NMT1: variants seen among roughly 807,000 people sequenced by gnomAD.
NMT1 encodes the protein glycylpeptide N-tetradecanoyltransferase 1.
NMT1 carries 12 observed loss-of-function variants against 63.4 expected under a neutral mutation model. The observed-to-expected ratio is 0.19, with a 90% confidence interval of 0.12 to 0.31. NMT1 has a LOEUF of 0.31. Among genes scored for constraint, NMT1 ranks in the 10% least tolerant of loss-of-function variants. The pLI is 1.00. For missense variants in NMT1, 432 were observed against 634.6 expected (o/e 0.68, Z 3.43); for synonymous variants, 228 against 234.3 (o/e 0.97, Z 0.25).
intron 1 of NMT1, among the ~76,000 whole-genome samples, chr17:45,063,451 G>A (rs1305111554): frequency 6.6e-6 from 1 of 151,504 alleles, no homozygotes; most frequent in Non-Finnish European, 1.5e-5. Flanking sequence ...GTTGGTGAAT[G>A]TGAAAGTCAT....
At chr17:45,077,036 A>G (rs2053982391) in intron 1 of NMT1, among the ~76,000 whole-genome samples, 1 of 152,226 alleles carries the variant, frequency 6.6e-6, no homozygotes, top group Non-Finnish European at 1.5e-5. Context: ...CTAAATAGGA[A>G]GAACAAAGGC....
In NMT1 at chr17:45,081,875, T is replaced by C. The variant is rs1338664804; in HGVS notation, c.240+123T>C. The C allele has an allele frequency of 2.0e-5, 16 of 784,374 alleles. No individual in the cohort carries two copies. The East Asian group carries it at 3.0e-4, about 15-fold the overall frequency. The allele number at this position is 784,374 out of a possible 1,614,324, so 48.6% of individuals were successfully genotyped here. ...CTGGTATTACTTCAAGATGGAAGAG[T>C]TGGATCCCAGTGCTGTCCTCTGCTG... is the stretch of plus-strand genomic sequence containing the variant. On this transcript the variant is annotated intron_variant, in intron 2 of 11. Transcript: ENST00000258960.
chr17:45,084,335 A>AT (rs2054037158), intron 2 of NMT1, among the ~76,000 whole-genome samples: 1 of 78,816 alleles, frequency 1.3e-5, no homozygotes, highest in Non-Finnish European at 2.2e-5. Context: ...GGCTTGGTAA[A>AT]CTTTTTTTTT....
Position 45,105,083 on chromosome 17 carries a change from G to T in NMT1, c.1470+87G>T, listed in dbSNP as rs752931857. The stretch of plus-strand genomic sequence containing the variant: ...AACCGGGCCATGGGTTGAGGAGACA[G>T]CCGCAGTCTGGGTCCTTGTTACCTC... On this transcript the variant is annotated intron_variant, in intron 11 of 11. Coordinates refer to ENST00000258960, the MANE Select transcript of NMT1 (RefSeq NM_021079.5). This position sits in a 1 kb window ranked among gnomAD's most constrained non-coding sequence, Gnocchi z 4.2. 1 of 1,551,970 alleles carries T rather than the reference G, an allele frequency of 6.4e-7. No individual in the cohort carries two copies. The highest frequency in any genetic ancestry group is 1.4e-5 in the African/African-American group (1 of 73,524).
chr17:45,091,186 T>TCACACACACA (rs1567868410), intron 3 of NMT1, among the ~76,000 whole-genome samples: 6 of 71,808 alleles, frequency 8.4e-5, no homozygotes, highest in South Asian at 4.9e-4. Flanking sequence ...AGGTCTTTCC[T>TCACACACACA]GACACACACA....
chr17:45,087,079 T>C (rs2054059860), intron 3 of NMT1, among the ~76,000 whole-genome samples: 1 of 151,738 alleles, frequency 6.6e-6, no homozygotes, highest in African/African-American at 2.4e-5. Flanking sequence ...GAAGATCACT[T>C]GAACCTGGGA....
intron 1 of NMT1, among the ~76,000 whole-genome samples, chr17:45,066,689 T>C (rs116851011): frequency 0.06 from 9,095 of 152,200 alleles, 362 homozygotes; most frequent in Middle Eastern, 0.099. Flanking sequence ...TTTTTCTATT[T>C]AAAAATTTTT....
intron 4 of NMT1, among the ~76,000 whole-genome samples, chr17:45,094,503 A>C (rs2054110810): frequency 1.3e-5 from 2 of 151,022 alleles, no homozygotes; most frequent in South Asian, 4.2e-4. Context: ...TCAAAAAAAA[A>C]AAAAAGTCAA....
intron 1 of NMT1, among the ~76,000 whole-genome samples, chr17:45,081,018 T>C (rs1277326170): frequency 6.6e-6 from 1 of 152,228 alleles, no homozygotes; most frequent in East Asian, 1.9e-4. Flanking sequence ...TCCACCTGCC[T>C]CGGCCTCCCA....
Position 45,104,622 on chromosome 17 carries a change from G to C in NMT1, c.1333-237G>C. 2 of 1,326,380 alleles carry C rather than the reference G, an allele frequency of 1.5e-6. No individual in the cohort carries two copies. Among genetic ancestry groups the C allele is most frequent in the Non-Finnish European group, 1.9e-6 (2 of 1,036,772 alleles). 82.2% of individuals were successfully genotyped at this position (1,326,380 alleles called of 1,614,324 possible). A position where few individuals can be genotyped will look rare whatever the true frequency, so the allele number is the denominator to read the frequency against. On this transcript the variant is annotated intron_variant, in intron 10 of 11. Coordinates refer to ENST00000258960, the MANE Select transcript of NMT1 (RefSeq NM_021079.5). This position sits in a 1 kb window ranked among gnomAD's most constrained non-coding sequence, Gnocchi z 4.2. ...TAGCAAGAGCCCCGGCCTGGACACT[G>C]AGTACATATGTGTACACTCTGAGGG...
chr17:45,074,580 T>C (rs1018671614), intron 1 of NMT1, among the ~76,000 whole-genome samples: 1 of 152,156 alleles, frequency 6.6e-6, no homozygotes. Context: ...TAATTCACCC[T>C]GTATTTGCTA....
intron 4 of NMT1, among the ~76,000 whole-genome samples, chr17:45,094,217 G>A (rs1201910433): frequency 1.3e-5 from 2 of 151,864 alleles, no homozygotes; most frequent in Non-Finnish European, 2.9e-5. Context: ...AAATGTCGCC[G>A]GGCGTGGTGG....
chr17:45,070,730 T>G (rs942457408), intron 1 of NMT1, among the ~76,000 whole-genome samples: 2 of 152,154 alleles, frequency 1.3e-5, no homozygotes, highest in African/African-American at 4.8e-5. Flanking sequence ...TTTTGTAATT[T>G]TTAGTAGAGA....
chr17:45,097,919 C>T (rs1314273557), intron 6 of NMT1, among the ~76,000 whole-genome samples: 3 of 152,200 alleles, frequency 2.0e-5, no homozygotes, highest in African/African-American at 7.2e-5. Flanking sequence ...GTCCTTGGGG[C>T]CTGTGATCTC....
intron 7 of NMT1, 51 bp from the exon 8 acceptor site, chr17:45,099,354 G>T: frequency 3.1e-6 from 4 of 1,295,976 alleles, no homozygotes; most frequent in Non-Finnish European, 3.4e-6. Context: ...CATTGTCCTT[G>T]TAATAGGGAT....
intron 3 of NMT1, among the ~76,000 whole-genome samples, chr17:45,092,821 A>G (rs2054098479): frequency 6.6e-6 from 1 of 152,214 alleles, no homozygotes; most frequent in Non-Finnish European, 1.5e-5. Context: ...TGCTAGGAAC[A>G]CTGTTACTGG....
chr17:45,070,870 A>G (rs2053935403), intron 1 of NMT1, among the ~76,000 whole-genome samples: 1 of 152,184 alleles, frequency 6.6e-6, no homozygotes, highest in Non-Finnish European at 1.5e-5. Context: ...CCTTGATGGC[A>G]GTACTAAAGT....
chr17:45,086,141 T>TTTTGG (rs2054050476), intron 2 of NMT1, among the ~76,000 whole-genome samples: 1 of 144,054 alleles, frequency 6.9e-6, no homozygotes, highest in African/African-American at 2.6e-5. Flanking sequence ...TTTTTTTTTT[T>TTTTGG]GAGACGGAGT....
intron 4 of NMT1, 95 bp from the exon 5 acceptor site, chr17:45,096,099 G>T: frequency 1.5e-3 from 1,292 of 835,760 alleles, no homozygotes; most frequent in East Asian, 2.1e-3. Flanking sequence ...TTGGTAGTTT[G>T]CTTCATCCTT....
Sources: allele counts gnomAD v4.1 joint callset (sites outside exome capture counted in the v4.1 genomes callset), GRCh38; gene constraint gnomAD v4.1.1; non-coding constraint Gnocchi (gnomAD v3.1); transcripts MANE v1.5; gene names NCBI Gene and HGNC (gene_info 2026-07-23, HGNC 2026-07-21).